BICC1: variants seen among roughly 807,000 people sequenced by gnomAD.
BICC1 encodes BicC family RNA binding protein 1.
BICC1 carries 43 observed loss-of-function variants against 111.0 expected under a neutral mutation model. The observed-to-expected ratio is 0.39, with a 90% confidence interval of 0.30 to 0.50. The LOEUF is 0.50. Ranked by LOEUF, BICC1 falls within the 20% of genes least tolerant of loss-of-function variation. BICC1 has a pLI of 0.88. For synonymous variants in BICC1, 467 were observed against 434.4 expected, an observed-to-expected ratio of 1.07 and a Z score of -0.93; for missense variants, 1,091 against 1,203.2, an observed-to-expected ratio of 0.91 and a Z score of 1.38.
At chr10:58,766,654 C>T (rs1842464067) in intron 3 of BICC1, among the ~76,000 whole-genome samples, 1 of 151,930 alleles carries the variant, frequency 6.6e-6, no homozygotes, top group Non-Finnish European at 1.5e-5. Flanking sequence ...GAGAGTCTAG[C>T]AGAGAAGTTC....
At chr10:58,639,605 T>TG (rs1838061051) in intron 2 of BICC1, among the ~76,000 whole-genome samples, 1 of 128,610 alleles carries the variant, frequency 7.8e-6, no homozygotes, top group Non-Finnish European at 1.6e-5. Context: ...TTAGTAGCGA[T>TG]GGGGTTTCAC....
rs1842140115 is a variant in BICC1, at chr10:58,513,126, G to A, written c.-18G>A. ...AGAGCGGCGGCGGCAGCGGGAGCCC[G>A]AGCGCTGCGCGCCCACCATGGCCGC... is the stretch of plus-strand genomic sequence containing the variant. On this transcript the variant is annotated 5_prime_UTR_variant, in exon 1 of 21. Transcript: ENST00000373886. The A allele has an allele frequency of 1.4e-6, 2 of 1,433,122 alleles. No homozygotes were observed. Among genetic ancestry groups the A allele is most frequent in the Middle Eastern group, 2.4e-4 (1 of 4,232 alleles). 88.8% of individuals were successfully genotyped at this position (1,433,122 alleles called of 1,614,324 possible). A position where few individuals can be genotyped will look rare whatever the true frequency, so the allele number is the denominator to read the frequency against.
intron 6 of BICC1, among the ~76,000 whole-genome samples, chr10:58,788,641 T>C (rs2132807160): frequency 6.6e-6 from 1 of 152,348 alleles, no homozygotes; most frequent in East Asian, 1.9e-4. Flanking sequence ...TAAAATTTTT[T>C]CACTGAAAAT....
intron 3 of BICC1, among the ~76,000 whole-genome samples, chr10:58,748,015 A>G (rs12253427): frequency 0.011 from 1,748 of 152,214 alleles, 35 homozygotes; most frequent in African/African-American, 0.04. Context: ...TGCAGAAAAA[A>G]CTTTGACAGC....
chr10:58,671,445 C>A (rs142262331), intron 2 of BICC1, among the ~76,000 whole-genome samples: 85 of 152,098 alleles, frequency 5.6e-4, no homozygotes, highest in Non-Finnish European at 1.0e-3. Context: ...GAGGGAGACA[C>A]AAAAGACATT....
chr10:58,769,981 A>G (rs1177053679), intron 3 of BICC1, among the ~76,000 whole-genome samples: 1 of 152,136 alleles, frequency 6.6e-6, no homozygotes, highest in African/African-American at 2.4e-5. Context: ...ACATATCTTT[A>G]TTATATGTTC....
chr10:58,745,162 A>T (rs1419517326), intron 3 of BICC1, among the ~76,000 whole-genome samples: 1 of 152,144 alleles, frequency 6.6e-6, no homozygotes, highest in Non-Finnish European at 1.5e-5. Context: ...ACCACAGGTT[A>T]TGGCTGTCCA....
rs1843072406 is a variant in BICC1, at chr10:58,788,361, CT to C, written c.547-8del. ...ATAAATCTAACTTTGTATTTTCCTC[CT>C]CTTATAGGTATCTATAGCGGGACAA... On this transcript the variant is annotated splice_region_variant and splice_polypyrimidine_tract_variant and intron_variant, in intron 5 of 20. Coordinates refer to ENST00000373886, the MANE Select transcript of BICC1 (RefSeq NM_001080512.3). 1.3e-6 allele frequency: 2 copies of C among 1,597,792 alleles called. No homozygotes were observed. Among genetic ancestry groups the C allele is most frequent in the Middle Eastern group, 1.7e-4 (1 of 6,040 alleles).
intron 2 of BICC1, among the ~76,000 whole-genome samples, chr10:58,673,371 A>G (rs1424772687): frequency 6.6e-6 from 1 of 152,202 alleles, no homozygotes; most frequent in Non-Finnish European, 1.5e-5. Context: ...AATTCCTACC[A>G]TGTGCAAGGG....
chr10:58,591,257 A>C (rs550920311), intron 1 of BICC1, among the ~76,000 whole-genome samples: 13 of 151,584 alleles, frequency 8.6e-5, no homozygotes, highest in African/African-American at 2.7e-4. Flanking sequence ...GGAAAGGGGG[A>C]CACTTTCTTT....
At chr10:58,559,017 A>G (rs1843534181) in intron 1 of BICC1, among the ~76,000 whole-genome samples, 1 of 151,886 alleles carries the variant, frequency 6.6e-6, no homozygotes, top group Non-Finnish European at 1.5e-5. Context: ...TATTCAAACC[A>G]TACAAATATT....
chr10:58,522,232 G>T (rs1008280617), intron 1 of BICC1, among the ~76,000 whole-genome samples: 5 of 151,746 alleles, frequency 3.3e-5, no homozygotes, highest in African/African-American at 1.2e-4. Flanking sequence ...CATTAAGTTA[G>T]GCATAATAGA....
intron 3 of BICC1, among the ~76,000 whole-genome samples, chr10:58,749,022 T>C (rs946480889): frequency 6.6e-6 from 1 of 152,168 alleles, no homozygotes; most frequent in Non-Finnish European, 1.5e-5. Flanking sequence ...TACTCAGGGC[T>C]ATTTGCTGAG....
At chr10:58,514,871 G>T (rs1384450073) in intron 1 of BICC1, among the ~76,000 whole-genome samples, 1 of 152,138 alleles carries the variant, frequency 6.6e-6, no homozygotes, top group Non-Finnish European at 1.5e-5. Flanking sequence ...TTAAATTTAT[G>T]TCAGGCATAT....
chr10:58,538,318 C>T (rs897642496), intron 1 of BICC1, among the ~76,000 whole-genome samples: 1 of 151,532 alleles, frequency 6.6e-6, no homozygotes, highest in Non-Finnish European at 1.5e-5. Context: ...GAAATAAAGC[C>T]GAATACTTAC....
At chr10:58,731,416 A>G (rs1841291274) in intron 3 of BICC1, among the ~76,000 whole-genome samples, 1 of 151,702 alleles carries the variant, frequency 6.6e-6, no homozygotes, top group Non-Finnish European at 1.5e-5. Context: ...TACTCTTTGA[A>G]CCTCTTCCTA....
chr10:58,605,237 A>G (rs1232853826), intron 1 of BICC1, among the ~76,000 whole-genome samples: 2 of 152,216 alleles, frequency 1.3e-5, no homozygotes, highest in Non-Finnish European at 2.9e-5. Flanking sequence ...TAAAAATGAA[A>G]TAGTATAAAA....
At chr10:58,673,876 C>G (rs1471830765) in intron 2 of BICC1, among the ~76,000 whole-genome samples, 2 of 151,072 alleles carry the variant, frequency 1.3e-5, no homozygotes, top group East Asian at 3.9e-4. Flanking sequence ...GGTGATCCGT[C>G]TGCCTTGGCC....
intron 1 of BICC1, among the ~76,000 whole-genome samples, chr10:58,518,595 G>GA (rs984347087): frequency 1.2e-4 from 16 of 137,886 alleles, no homozygotes; most frequent in Non-Finnish European, 1.7e-4. Flanking sequence ...TGTGTTGGGG[G>GA]GGGGGGGGTG....
Sources: allele counts gnomAD v4.1 joint callset (sites outside exome capture counted in the v4.1 genomes callset), GRCh38; gene constraint gnomAD v4.1.1; transcripts MANE v1.5; gene names NCBI Gene and HGNC (gene_info 2026-07-23, HGNC 2026-07-21).